The following CDC14A variants were observed in gnomAD, a reference collection of about 807,000 sequenced individuals.
CDC14A encodes the protein cell division cycle 14A.
CDC14A carries 53 observed loss-of-function variants against 74.4 expected under a neutral mutation model. The observed-to-expected ratio is 0.71, with a 90% CI of 0.57 to 0.89. The LOEUF (loss-of-function observed/expected upper bound fraction) is 0.89. CDC14A is among the 40% of genes least tolerant of loss of function. The pLI is 0.00. For missense variants in CDC14A, 646 were observed against 713.7 expected (o/e 0.91, Z 1.08); for synonymous variants, 247 against 258.4 (o/e 0.96, Z 0.43).
At chr1:100,467,623 C>G (rs1310820093) in intron 9 of CDC14A, among the ~76,000 whole-genome samples, 1 of 152,124 alleles carries the variant, frequency 6.6e-6, no homozygotes, top group Non-Finnish European at 1.5e-5. Flanking sequence ...ATCCCAACCC[C>G]CCAGCCACCC....
chr1:100,481,002 A>T (rs537358164), intron 10 of CDC14A: 57 of 152,332 alleles, frequency 3.7e-4, no homozygotes, highest in African/African-American at 1.3e-3. Flanking sequence ...ACAGCATTTG[A>T]AGAACTCCTT....
upstream of CDC14A, chr1:100,351,824 A>G: frequency 6.5e-7 from 1 of 1,542,828 alleles, no homozygotes; most frequent in Non-Finnish European, 8.8e-7. Flanking sequence ...TGTAGAGGAA[A>G]CCAATACATG....
At chr1:100,474,726 G>T (rs1668725751) in intron 10 of CDC14A, among the ~76,000 whole-genome samples, 3 of 151,160 alleles carry the variant, frequency 2.0e-5, no homozygotes, top group Admixed American at 6.6e-5. Flanking sequence ...CTCCCTAGAA[G>T]TTGGACAATT....
intron 5 of CDC14A, among the ~76,000 whole-genome samples, chr1:100,435,823 T>TTA (rs780695153): frequency 1.0e-5 from 1 of 97,958 alleles, no homozygotes; most frequent in Non-Finnish European, 2.0e-5. Context: ...AGACTTCGTC[T>TTA]AAAAAAAAAA....
intron 1 of CDC14A, among the ~76,000 whole-genome samples, chr1:100,345,616 T>C (rs1171066977): frequency 6.6e-6 from 1 of 152,196 alleles, no homozygotes; most frequent in Non-Finnish European, 1.5e-5. Context: ...ATGATTCACA[T>C]GAGTTCATCT....
chr1:100,358,885 A>G (rs1300788757), intron 2 of CDC14A, among the ~76,000 whole-genome samples: 1 of 152,232 alleles, frequency 6.6e-6, no homozygotes, highest in Admixed American at 6.5e-5. Flanking sequence ...ATGCATATTT[A>G]GGTTAGAGGT....
intron 2 of CDC14A, among the ~76,000 whole-genome samples, chr1:100,359,154 C>T (rs1174438765): frequency 6.6e-6 from 1 of 152,214 alleles, no homozygotes; most frequent in African/African-American, 2.4e-5. Flanking sequence ...ATAGCAACAA[C>T]AACAGCAGCA....
chr1:100,382,297 C>T (rs1364558884), intron 3 of CDC14A, among the ~76,000 whole-genome samples: 1 of 148,696 alleles, frequency 6.7e-6, no homozygotes, highest in Non-Finnish European at 1.5e-5. Context: ...CTCACTGCAG[C>T]CTCAAACTCC....
chr1:100,518,500 A>G lies in CDC14A; in HGVS notation c.*220A>G. Reference sequence around the variant, plus strand: ...TGAAACTATGTTTATGGAGATTTCCATACTTTTAAAGACAGTTTTAATGTT... The same window carrying G: ...TGAAACTATGTTTATGGAGATTTCCGTACTTTTAAAGACAGTTTTAATGTT... On this transcript the variant is annotated 3_prime_UTR_variant, in exon 16 of 16. Transcript: ENST00000336454. 1 of 471,896 alleles carries G rather than the reference A, an allele frequency of 2.1e-6. No individual in the cohort carries two copies. The highest frequency in any genetic ancestry group is 3.8e-6 in the Non-Finnish European group (1 of 261,794). 29.2% of individuals were successfully genotyped at this position (471,896 alleles called of 1,614,324 possible).
chr1:100,360,678 A>G (rs1022815232), intron 2 of CDC14A, among the ~76,000 whole-genome samples: 97 of 152,250 alleles, frequency 6.4e-4, no homozygotes, highest in African/African-American at 2.2e-3. Context: ...AGGGGAATCA[A>G]ATTTACCTTC....
intron 15 of CDC14A, among the ~76,000 whole-genome samples, chr1:100,510,982 C>A (rs1649727716): frequency 6.6e-6 from 1 of 152,228 alleles, no homozygotes; most frequent in Non-Finnish European, 1.5e-5. Flanking sequence ...TAACTTCCCT[C>A]TTCTCTGTCT....
At chr1:100,403,560 A>G (rs1659550191) in intron 4 of CDC14A, among the ~76,000 whole-genome samples, 1 of 152,238 alleles carries the variant, frequency 6.6e-6, no homozygotes, top group Non-Finnish European at 1.5e-5. Context: ...CTCTCTCTAA[A>G]CATCAAGATG....
intron 4 of CDC14A, among the ~76,000 whole-genome samples, chr1:100,402,205 C>G (rs1000384721): frequency 6.6e-6 from 1 of 151,676 alleles, no homozygotes; most frequent in Non-Finnish European, 1.5e-5. Flanking sequence ...CAGAGTGTGA[C>G]TTGAAATTGT....
At chr1:100,396,124 G>A (rs533256662) in intron 4 of CDC14A, among the ~76,000 whole-genome samples, 4 of 152,236 alleles carry the variant, frequency 2.6e-5, no homozygotes, top group East Asian at 1.9e-4. Context: ...GTCGCTGTGT[G>A]TGGAGGGTGA....
chr1:100,414,609 A>G (rs1661283261), intron 4 of CDC14A, among the ~76,000 whole-genome samples: 1 of 152,170 alleles, frequency 6.6e-6, no homozygotes, highest in Non-Finnish European at 1.5e-5. Flanking sequence ...TGATATACCC[A>G]GAAGTAAGCA....
upstream of CDC14A, among the ~76,000 whole-genome samples, chr1:100,351,223 C>A (rs1001462699): frequency 5.4e-5 from 8 of 148,604 alleles, no homozygotes; most frequent in South Asian, 6.3e-4. Context: ...AAAAAAAAAA[C>A]CACAAACAAA....
At chr1:100,516,326 G>T (rs982236844) in intron 15 of CDC14A, among the ~76,000 whole-genome samples, 1 of 152,014 alleles carries the variant, frequency 6.6e-6, no homozygotes, top group South Asian at 2.1e-4. Flanking sequence ...ATGTACATAT[G>T]AAATACTTTA....
At chr1:100,517,094 A>G (rs946978534) in intron 15 of CDC14A, among the ~76,000 whole-genome samples, 1 of 152,224 alleles carries the variant, frequency 6.6e-6, no homozygotes, top group African/African-American at 2.4e-5. Flanking sequence ...CTTTGCGGTC[A>G]GGGACCATAA....
upstream of CDC14A, chr1:100,351,708 G>A (rs764284388): frequency 1.9e-4 from 298 of 1,534,746 alleles, no homozygotes; most frequent in African/African-American, 6.5e-4. Flanking sequence ...CATCTGTGAT[G>A]CTTTTGCGCT....
Sources: allele counts gnomAD v4.1 joint callset (sites outside exome capture counted in the v4.1 genomes callset), GRCh38; gene constraint gnomAD v4.1.1; transcripts MANE v1.5; gene names NCBI Gene and HGNC (gene_info 2026-07-23, HGNC 2026-07-21).